LRRC4C: variants seen among roughly 807,000 people sequenced by gnomAD.
LRRC4C encodes leucine rich repeat containing 4C.
A neutral mutation model predicts 33.6 loss-of-function variants in LRRC4C; 5 were observed. The ratio of observed to expected loss-of-function variants is 0.15; its 90% CI spans 0.08 to 0.31. The LOEUF (loss-of-function observed/expected upper bound fraction) is 0.31, where lower values mean the gene tolerates loss of function less well. Ranked by LOEUF, LRRC4C falls within the 10% of genes least tolerant of loss-of-function variation. The pLI is 1.00. For missense variants in LRRC4C, 560 were observed against 796.7 expected, an observed-to-expected ratio of 0.70 and a Z score of 3.58; for synonymous variants, 329 against 302.0, an observed-to-expected ratio of 1.09 and a Z score of -0.93.
At chr11:40,654,152 T>C (rs6485217) in intron 2 of LRRC4C, among the ~76,000 whole-genome samples, 86,853 of 151,654 alleles carry the variant, frequency 0.57, 25,543 homozygotes, top group East Asian at 0.71. Flanking sequence ...TAGGGCAGTG[T>C]GGATGGGAAA....
chr11:40,162,183 C>G (rs572507658), intron 5 of LRRC4C, among the ~76,000 whole-genome samples: 23 of 151,864 alleles, frequency 1.5e-4, no homozygotes, highest in Admixed American at 3.3e-4. Context: ...AAAGACTGAC[C>G]GTTATAACAA....
chr11:41,199,078 A>C (rs1278909834), intron 1 of LRRC4C, among the ~76,000 whole-genome samples: 2 of 152,158 alleles, frequency 1.3e-5, no homozygotes, highest in Non-Finnish European at 2.9e-5. Flanking sequence ...ATTTTATAGC[A>C]GTGTAAAAGA....
At chr11:40,704,147 T>C (rs370349291) in intron 2 of LRRC4C, among the ~76,000 whole-genome samples, 11 of 152,268 alleles carry the variant, frequency 7.2e-5, no homozygotes, top group African/African-American at 2.6e-4. Context: ...TTGTATTAGG[T>C]ATTATAAGTA....
chr11:41,075,712 CAA>C (rs527283853), intron 1 of LRRC4C, among the ~76,000 whole-genome samples: 21 of 152,096 alleles, frequency 1.4e-4, no homozygotes, highest in Non-Finnish European at 2.6e-4. Flanking sequence ...ATATTTCGTC[CAA>C]AGAGTTATCT....
chr11:40,886,406 T>TACACACAC (rs10629266), intron 2 of LRRC4C, among the ~76,000 whole-genome samples: 15,264 of 145,274 alleles, frequency 0.11, 932 homozygotes, highest in South Asian at 0.18. Flanking sequence ...TTTCAAATGC[T>TACACACAC]ACACACACAC....
chr11:40,742,422 C>A (rs1458687604), intron 2 of LRRC4C, among the ~76,000 whole-genome samples: 1 of 151,988 alleles, frequency 6.6e-6, no homozygotes, highest in African/African-American at 2.4e-5. Context: ...AAGGCAGCTT[C>A]CTTTGTCAAA....
chr11:40,377,341 G>A (rs1948699319), intron 3 of LRRC4C, among the ~76,000 whole-genome samples: 2 of 152,122 alleles, frequency 1.3e-5, no homozygotes, highest in African/African-American at 4.8e-5. Flanking sequence ...ACTATATAGT[G>A]TACATCCTTA....
intron 1 of LRRC4C, among the ~76,000 whole-genome samples, chr11:41,319,008 T>C (rs1950876413): frequency 6.6e-6 from 1 of 152,216 alleles, no homozygotes; most frequent in South Asian, 2.1e-4. Flanking sequence ...CAAGTTATCA[T>C]ACTTTCCCAC....
chr11:41,291,736 G>T (rs1425168486), intron 1 of LRRC4C, among the ~76,000 whole-genome samples: 2 of 152,090 alleles, frequency 1.3e-5, no homozygotes, highest in Non-Finnish European at 2.9e-5. Context: ...ATCTTAGATT[G>T]AGGAGAATTA....
At chr11:40,521,973 G>A (rs982411309) in intron 3 of LRRC4C, among the ~76,000 whole-genome samples, 1 of 152,184 alleles carries the variant, frequency 6.6e-6, no homozygotes, top group Non-Finnish European at 1.5e-5. Context: ...GGAAGTTTAG[G>A]TTGGAACAGA....
At chr11:41,174,607 T>C (rs1232576750) in intron 1 of LRRC4C, among the ~76,000 whole-genome samples, 1 of 152,130 alleles carries the variant, frequency 6.6e-6, no homozygotes, top group Non-Finnish European at 1.5e-5. Context: ...CAATTTTCTG[T>C]CATCATGTAT....
At chr11:41,024,289 CAAG>C (rs1230845327) in intron 1 of LRRC4C, among the ~76,000 whole-genome samples, 1 of 151,660 alleles carries the variant, frequency 6.6e-6, no homozygotes, top group Admixed American at 6.6e-5. Flanking sequence ...CAGCTCAACT[CAAG>C]AAGAATAACC....
intron 1 of LRRC4C, among the ~76,000 whole-genome samples, chr11:41,443,089 A>ATTTTTTTTTTTTTTTTTTTTTTTTTCTT: frequency 3.8e-5 from 4 of 105,994 alleles, no homozygotes; most frequent in Non-Finnish European, 5.3e-5. Flanking sequence ...TGTTTGCTTC[A>ATTTTTTTTTTTTTTTTTTTTTTTTTCTT]TTTTTTTTTT....
intron 2 of LRRC4C, among the ~76,000 whole-genome samples, chr11:40,929,340 A>G (rs1480953377): frequency 6.6e-6 from 1 of 152,136 alleles, no homozygotes; most frequent in Non-Finnish European, 1.5e-5. Flanking sequence ...AGCCCTCACC[A>G]CTATGCAATA....
intron 1 of LRRC4C, among the ~76,000 whole-genome samples, chr11:41,174,089 C>T (rs1233427221): frequency 2.0e-5 from 3 of 151,868 alleles, no homozygotes; most frequent in Non-Finnish European, 4.4e-5. Flanking sequence ...ATCATATTGC[C>T]TATTTTGTGA....
chr11:41,018,830 T>C (rs1316251123), intron 1 of LRRC4C, among the ~76,000 whole-genome samples: 1 of 152,076 alleles, frequency 6.6e-6, no homozygotes, highest in Non-Finnish European at 1.5e-5. Context: ...GTAGCAAAAT[T>C]TTCTTAACTA....
chr11:40,407,409 C>T (rs186116819), intron 3 of LRRC4C, among the ~76,000 whole-genome samples: 99 of 152,096 alleles, frequency 6.5e-4, no homozygotes, highest in Admixed American at 1.1e-3. Flanking sequence ...GGTTGGTGTT[C>T]GTTCACTTAC....
At chr11:41,134,275 C>A (rs902059253) in intron 1 of LRRC4C, among the ~76,000 whole-genome samples, 7 of 152,062 alleles carry the variant, frequency 4.6e-5, no homozygotes, top group Middle Eastern at 3.4e-3. Context: ...GTATTTATTT[C>A]TTTATTTTTG....
intron 4 of LRRC4C, among the ~76,000 whole-genome samples, chr11:40,318,083 A>G (rs1945664446): frequency 6.6e-6 from 1 of 152,160 alleles, no homozygotes; most frequent in African/African-American, 2.4e-5. Flanking sequence ...GAGAACATTG[A>G]TAATAATCAA....
Sources: allele counts gnomAD v4.1 joint callset (sites outside exome capture counted in the v4.1 genomes callset), GRCh38; gene constraint gnomAD v4.1.1; transcripts MANE v1.5; gene names NCBI Gene and HGNC (gene_info 2026-07-23, HGNC 2026-07-21).